The following PIK3C2G variants were observed in gnomAD, a reference collection of about 807,000 sequenced individuals.
The protein encoded by PIK3C2G is phosphatidylinositol-4-phosphate 3-kinase catalytic subunit type 2 gamma, also known as phosphatidylinositol 3-kinase C2 domain-containing subunit gamma.
In PIK3C2G, 168 loss-of-function variants were observed where a neutral mutation model predicts 181.1. The observed-to-expected ratio is 0.93, with a 90% confidence interval of 0.82 to 1.05. The LOEUF (loss-of-function observed/expected upper bound fraction) is 1.05. Ranked by LOEUF, PIK3C2G falls within the 50% of genes least tolerant of loss-of-function variation. The pLI, the probability that PIK3C2G is intolerant of heterozygous loss-of-function variation, is 0.00. For missense variants in PIK3C2G, 1,869 were observed against 1,732.8 expected (o/e 1.08, Z -1.40); for synonymous variants, 573 against 592.2 (o/e 0.97, Z 0.47).
chr12:18,313,824 A>ACACG (rs1591921788), intron 5 of PIK3C2G, 138 bp from the exon 6 acceptor site: 1 of 544,286 alleles, frequency 1.8e-6, no homozygotes, highest in Non-Finnish European at 3.2e-6. Context: ...ACACACACAC[A>ACACG]CACACGCACA....
At chr12:18,683,553 C>T in the PIK3C2G span, 83 of 1,491,890 alleles carry the variant, frequency 5.6e-5, no homozygotes, top group African/African-American at 4.3e-4. Context: ...CTTCTCCTTC[C>T]GCAAAGCGCT....
intron 30 of PIK3C2G, among the ~76,000 whole-genome samples, chr12:18,606,260 A>C (rs934081586): frequency 6.6e-6 from 1 of 152,180 alleles, no homozygotes; most frequent in Non-Finnish European, 1.5e-5. Context: ...CTAATTTTCT[A>C]CCTTTGAATT....
the PIK3C2G span, among the ~76,000 whole-genome samples, chr12:18,660,931 G>A: frequency 0.4 from 60,091 of 151,826 alleles, 14,039 homozygotes; most frequent in South Asian, 0.59. Flanking sequence ...AACAAAGCAT[G>A]AACAAAATAA....
rs1272518322 is a variant in PIK3C2G at position 18,282,015 on chromosome 12, T to C, written c.-67T>C. 4.4e-6 allele frequency: 4 copies of C among 908,700 alleles called. No homozygotes were observed. The highest frequency in any genetic ancestry group is 5.0e-6 in the Non-Finnish European group (3 of 605,114). The allele number at this position is 908,700 out of a possible 1,614,324, so 56.3% of individuals were successfully genotyped here. A position where few individuals can be genotyped will look rare whatever the true frequency, so the allele number is the denominator to read the frequency against. On this transcript the variant is annotated 5_prime_UTR_variant, in exon 2 of 33. Transcript: ENST00000538779. ...TATGCTTTTTCTAGGAAAATTTCTA[T>C]CTTCTTTTGTATTATCAAGGAGATA...
chr12:18,489,831 G>A (rs1002653809), intron 19 of PIK3C2G, among the ~76,000 whole-genome samples: 1 of 152,048 alleles, frequency 6.6e-6, no homozygotes, highest in Non-Finnish European at 1.5e-5. Context: ...TGTTTAAGAT[G>A]TACATTATAC....
At chr12:18,627,079 T>C (rs12819792) in intron 31 of PIK3C2G, among the ~76,000 whole-genome samples, 1 of 151,954 alleles carries the variant, frequency 6.6e-6, no homozygotes, top group Non-Finnish European at 1.5e-5. Flanking sequence ...TTTTTTTCTT[T>C]TTGCTCCTCT....
In PIK3C2G at chr12:18,362,813, C is replaced by T; in HGVS notation, c.1675C>T (p.Leu559=). ...TTGGCTTACATATGCTGGAAAGAAGCTGTGCCAAGTGAGAAACTACAGAAA... is the reference window on the plus strand; with the variant it reads ...TTGGCTTACATATGCTGGAAAGAAGTTGTGCCAAGTGAGAAACTACAGAAA... The part of the protein sequence containing the change: ...TCWLTYAGKK[L]CQVRNYRNIP... Residue 559 remains leucine, a synonymous_variant, in exon 12 of 33, where the codon CTG becomes TTG. Coordinates refer to ENST00000538779, the MANE Select transcript of PIK3C2G (RefSeq NM_001288772.2). 1 of 1,523,130 alleles carries T rather than the reference C, an allele frequency of 6.6e-7. No individual in the cohort carries two copies. Among genetic ancestry groups the T allele is most frequent in the Non-Finnish European group, 8.8e-7 (1 of 1,140,672 alleles). 94.4% of individuals were successfully genotyped at this position (1,523,130 alleles called of 1,614,324 possible). A position where few individuals can be genotyped will look rare whatever the true frequency, so the allele number is the denominator to read the frequency against.
intron 4 of PIK3C2G, among the ~76,000 whole-genome samples, 178 bp from the exon 5 acceptor site, chr12:18,293,723 A>C (rs1949811266): frequency 6.6e-6 from 1 of 152,130 alleles, no homozygotes; most frequent in Admixed American, 6.6e-5. Context: ...ATTTTCCCCA[A>C]ATATCTTTAA....
the PIK3C2G span, among the ~76,000 whole-genome samples, chr12:18,678,506 C>G: frequency 6.6e-6 from 1 of 151,986 alleles, no homozygotes; most frequent in African/African-American, 2.4e-5. Flanking sequence ...TTAATCCATC[C>G]CTCTTTCCAT....
At chr12:18,286,993 C>T in intron 3 of PIK3C2G, 64 bp downstream of exon 3, 1 of 648,686 alleles carries the variant, frequency 1.5e-6, no homozygotes, top group Non-Finnish European at 2.5e-6. Context: ...TGTATTTTGA[C>T]ATCACTGAAC....
chr12:18,620,785 T>G (rs1160226652), intron 31 of PIK3C2G, among the ~76,000 whole-genome samples: 2 of 152,112 alleles, frequency 1.3e-5, no homozygotes, highest in African/African-American at 4.8e-5. Flanking sequence ...TGGATACAAT[T>G]CATCATTCCA....
chr12:18,473,213 T>C (rs982709493), intron 18 of PIK3C2G, among the ~76,000 whole-genome samples: 2 of 152,182 alleles, frequency 1.3e-5, no homozygotes, highest in African/African-American at 4.8e-5. Flanking sequence ...AAGAAACTTC[T>C]AAACTAGATT....
At chr12:18,635,496 C>A (rs763594778) in intron 31 of PIK3C2G, among the ~76,000 whole-genome samples, 6 of 152,132 alleles carry the variant, frequency 3.9e-5, no homozygotes, top group Non-Finnish European at 5.9e-5. Flanking sequence ...TGGTGGCCCA[C>A]GGTTGAGCAT....
intron 5 of PIK3C2G, among the ~76,000 whole-genome samples, chr12:18,294,902 A>G (rs1949867595): frequency 6.6e-6 from 1 of 151,870 alleles, no homozygotes. Flanking sequence ...TCCATCATGA[A>G]TGTGCTTGAA....
chr12:18,312,980 T>C (rs1950702401), intron 5 of PIK3C2G, among the ~76,000 whole-genome samples: 1 of 152,122 alleles, frequency 6.6e-6, no homozygotes, highest in African/African-American at 2.4e-5. Flanking sequence ...ATTTACTGAA[T>C]TTTCCATATA....
At chr12:18,431,438 C>T (rs192576087) in intron 18 of PIK3C2G, among the ~76,000 whole-genome samples, 1 of 152,264 alleles carries the variant, frequency 6.6e-6, no homozygotes, top group Admixed American at 6.5e-5. Flanking sequence ...TACAGTTTTG[C>T]CTATGACCTT....
intron 15 of PIK3C2G, among the ~76,000 whole-genome samples, chr12:18,396,409 T>A (rs1373307272): frequency 1.3e-5 from 2 of 151,686 alleles, no homozygotes; most frequent in African/African-American, 2.4e-5. Flanking sequence ...TAGTATCATG[T>A]TAAATCATGC....
At chr12:18,314,890 A>G (rs940056765) in intron 6 of PIK3C2G, among the ~76,000 whole-genome samples, 28 of 152,232 alleles carry the variant, frequency 1.8e-4, no homozygotes, top group African/African-American at 6.5e-4. Context: ...ATAAACTTTC[A>G]TAATATATAT....
At chr12:18,631,174 G>T (rs1949335934) in intron 31 of PIK3C2G, among the ~76,000 whole-genome samples, 1 of 152,156 alleles carries the variant, frequency 6.6e-6, no homozygotes, top group Non-Finnish European at 1.5e-5. Context: ...TACGATGCTA[G>T]TAAGAAGAAA....
Sources: allele counts gnomAD v4.1 joint callset (sites outside exome capture counted in the v4.1 genomes callset), GRCh38; gene constraint gnomAD v4.1.1; transcripts MANE v1.5; gene names NCBI Gene and HGNC (gene_info 2026-07-23, HGNC 2026-07-21).